Variants in ADSS1 observed in about 807,000 individuals in gnomAD.
The protein encoded by ADSS1 is adenylosuccinate synthetase isozyme 1.
Under a neutral mutation model 59.1 loss-of-function variants are expected in ADSS1, and 57 were observed. That is an observed-to-expected ratio of 0.97 (90% CI 0.78 to 1.20). ADSS1 has a LOEUF of 1.20. Among genes scored for constraint, ADSS1 ranks in the 50% most tolerant of loss-of-function variants. The probability of loss-of-function intolerance (pLI) is 0.00; values close to 1 mark genes in which losing one functional copy is unlikely to be tolerated. For missense variants in ADSS1, 603 were observed against 610.3 expected, an observed-to-expected ratio of 0.99 and a Z score of 0.13; for synonymous variants, 247 against 249.4, an observed-to-expected ratio of 0.99 and a Z score of 0.09.
intron 1 of ADSS1, among the ~76,000 whole-genome samples, chr14:104,727,878 A>G: frequency 6.6e-6 from 1 of 152,200 alleles, no homozygotes; most frequent in South Asian, 2.1e-4. Flanking sequence ...CTTCTGCTGC[A>G]GTGCTGACCT....
chr14:104,727,365 G>T (rs1454090820), intron 1 of ADSS1, among the ~76,000 whole-genome samples: 1 of 151,688 alleles, frequency 6.6e-6, no homozygotes, highest in African/African-American at 2.4e-5. Context: ...TCCATTCCAG[G>T]GCGGCTCTGG....
Position 104,739,820 on chromosome 14 carries a change from AGTCT to A in ADSS1, c.476+6_476+9del, listed in dbSNP as rs1476935220. 6.2e-7 allele frequency: 1 copy of A among 1,613,750 alleles called. No homozygotes were observed. Among genetic ancestry groups the A allele is most frequent in the East Asian group, 2.2e-5 (1 of 44,880 alleles). On this transcript the variant is annotated splice_donor_5th_base_variant and intron_variant, in intron 5 of 12. Coordinates refer to ENST00000330877, the MANE Select transcript of ADSS1 (RefSeq NM_152328.5). ...GCCAGGCACAAGAGGGGAAGAAGTAAGTCTGCCGGGACACTCTCACCCTCGGGGA... is the reference window on the plus strand; with the variant it reads ...GCCAGGCACAAGAGGGGAAGAAGTAAGCCGGGACACTCTCACCCTCGGGGA...
chr14:104,747,316 GC>G (rs1215788181), downstream of ADSS1: 1 of 230,874 alleles, frequency 4.3e-6, no homozygotes, highest in African/African-American at 2.3e-5. Context: ...CTGAATGGGA[GC>G]AGTTGTTACA....
Position 104,738,506 on chromosome 14 carries a change from C to A in ADSS1, c.358+68C>A, listed in dbSNP as rs544593137. 35 of 1,561,300 alleles carry A rather than the reference C, an allele frequency of 2.2e-5. No individual in the cohort carries two copies. The South Asian group carries it at 3.0e-4, about 14-fold the overall frequency. On this transcript the variant is annotated intron_variant, in intron 3 of 12. Coordinates refer to ENST00000330877, the MANE Select transcript of ADSS1 (RefSeq NM_152328.5). ...TGCCCTGAGCGGTTGTTGGCTGGAG[C>A]CTTCCTGAGGGTTTCTCCCACGGAG... is the stretch of plus-strand genomic sequence containing the variant.
rs770298867 is a variant in ADSS1 at position 104,740,243 on chromosome 14, T to A, written c.477-358T>A. Among the ~76,000 whole-genome samples, 5 of 151,780 alleles carry A rather than the reference T, an allele frequency of 3.3e-5. No individual in the cohort carries two copies. Among genetic ancestry groups the A allele is most frequent in the Non-Finnish European group, 7.4e-5 (5 of 67,952 alleles). ...TGGTCACACACTTACCCACTCACAC[T>A]CTCACACAGGCACACACTCATGCTC... On this transcript the variant is annotated intron_variant, in intron 5 of 12. Coordinates refer to ENST00000330877, the MANE Select transcript of ADSS1 (RefSeq NM_152328.5). The surrounding 1 kb of genome is among the most constrained non-coding windows in gnomAD (Gnocchi z 4.8).
chr14:104,747,247 T>C lies in ADSS1; in HGVS notation c.*244T>C. On this transcript the variant is annotated 3_prime_UTR_variant, in exon 13 of 13. Coordinates refer to ENST00000330877, the MANE Select transcript of ADSS1 (RefSeq NM_152328.5). ...GTGCTCAGAGACCTTCTATGACACA[T>C]TAGTGTCACATGGTTGCGTGTCCAG... 2.6e-6 allele frequency: 1 copy of C among 387,786 alleles called. No homozygotes were observed. The highest frequency in any genetic ancestry group is 4.7e-6 in the Non-Finnish European group (1 of 214,622). The allele number at this position is 387,786 out of a possible 1,614,324, so 24.0% of individuals were successfully genotyped here. A position where few individuals can be genotyped will look rare whatever the true frequency, so the allele number is the denominator to read the frequency against.
intron 9 of ADSS1, 110 bp downstream of exon 9, chr14:104,742,112 C>G: frequency 1.4e-6 from 2 of 1,397,790 alleles, no homozygotes; most frequent in South Asian, 1.3e-5. Context: ...CTTGCCAGTG[C>G]CATCTCCCCA....
intron 1 of ADSS1, among the ~76,000 whole-genome samples, chr14:104,731,247 T>C (rs1380741854): frequency 1.3e-5 from 2 of 152,188 alleles, no homozygotes; most frequent in Admixed American, 1.3e-4. Flanking sequence ...CTTAATCTAC[T>C]GTCCCTGACC....
intron 4 of ADSS1, 180 bp downstream of exon 4, chr14:104,739,558 G>T: frequency 1.1e-6 from 1 of 900,866 alleles, no homozygotes; most frequent in South Asian, 1.6e-5. Context: ...TGGGTCAGGG[G>T]TCACTAGCCC....
chr14:104,740,704 T>C lies in ADSS1; in HGVS notation c.580T>C (p.Ser194Pro). The change falls in exon 6 of 13, where the codon TCC becomes CCC. Residue 194 changes from serine (S) to proline (P), a missense_variant. Coordinates refer to ENST00000330877, the MANE Select transcript of ADSS1 (RefSeq NM_152328.5). The surrounding 1 kb of genome is among the most constrained non-coding windows in gnomAD (Gnocchi z 4.8). ...CCTGTCAGATTTTGATGAGTTTTCC[T>C]CCAGGTACCTGAGCCGTCTGCAGTC... ...DLLSDFDEFS[S>P]RFKNLAHQHQ... 1 of 1,613,872 alleles carries C rather than the reference T, an allele frequency of 6.2e-7. No individual in the cohort carries two copies. Among genetic ancestry groups the C allele is most frequent in the Admixed American group, 1.7e-5 (1 of 60,014 alleles).
chr14:104,740,779 A>T lies in ADSS1; in HGVS notation c.585-60A>T, dbSNP rs377019000. The T allele has an allele frequency of 1.1e-5, 18 of 1,611,922 alleles. No individual in the cohort carries two copies. The highest frequency in any genetic ancestry group is 1.5e-5 in the Non-Finnish European group (18 of 1,178,540). On this transcript the variant is annotated intron_variant, in intron 6 of 12. Coordinates refer to ENST00000330877, the MANE Select transcript of ADSS1 (RefSeq NM_152328.5). The surrounding 1 kb of genome is among the most constrained non-coding windows in gnomAD (Gnocchi z 4.8). ...CCGGAAGGGACTGTGGCTAGTGGGG[A>T]GGGCCCTGAGGACCAGCATGGACCA...
Position 104,747,095 on chromosome 14 carries a change from C to T in ADSS1, c.*92C>T. Reference sequence around the variant, plus strand: ...GTTCCTCGGCCGCCACAACCAACACCAAAGCAGGAAAACCATTTTCTGTAC... The same window carrying T: ...GTTCCTCGGCCGCCACAACCAACACTAAAGCAGGAAAACCATTTTCTGTAC... On this transcript the variant is annotated 3_prime_UTR_variant, in exon 13 of 13. Transcript: ENST00000330877. 1 of 1,183,320 alleles carries T rather than the reference C, an allele frequency of 8.5e-7. No individual in the cohort carries two copies. The highest frequency in any genetic ancestry group is 1.2e-6 in the Non-Finnish European group (1 of 839,022). 73.3% of individuals were successfully genotyped at this position (1,183,320 alleles called of 1,614,324 possible).
intron 11 of ADSS1, 32 bp from the exon 12 acceptor site, chr14:104,746,204 G>A: frequency 3.2e-6 from 5 of 1,578,710 alleles, no homozygotes; most frequent in Non-Finnish European, 3.5e-6. Flanking sequence ...GAGGTCTGTG[G>A]GCCCCACTCA....
At position 104,746,979 on chromosome 14, in the gene ADSS1, A is replaced by G. The variant is rs199506084; in HGVS notation, c.1350A>G (p.Arg450=). 1.3e-5 allele frequency: 21 copies of G among 1,614,114 alleles called. No individual in the cohort carries two copies. Among genetic ancestry groups the G allele is most frequent in the Non-Finnish European group, 1.7e-5 (20 of 1,179,962 alleles). ...AVKWVGVGKS[R]ESMIQLF The stretch of plus-strand genomic sequence containing the variant: ...AATGGGTTGGTGTTGGCAAGTCAAG[A>G]GAGTCGATGATCCAGCTGTTTTAGT... Residue 450 remains arginine (R), a synonymous_variant, in exon 13 of 13, where the codon AGA becomes AGG. Coordinates refer to ENST00000330877, the MANE Select transcript of ADSS1 (RefSeq NM_152328.5).
chr14:104,746,919 G>A lies in ADSS1; in HGVS notation c.1322-32G>A, dbSNP rs762005161. 1.7e-5 allele frequency: 27 copies of A among 1,612,106 alleles called. No homozygotes were observed. The South Asian group carries it at 2.5e-4, about 15-fold the overall frequency. ...TTTTTCTGAACTTTCTGCCTCCAGT[G>A]TGTATCATAACAGTCTTTTCTGCTC... On this transcript the variant is annotated intron_variant, in intron 12 of 12. Transcript: ENST00000330877.
At chr14:104,725,935 T>C (rs775085877) in intron 1 of ADSS1, among the ~76,000 whole-genome samples, 1 of 152,216 alleles carries the variant, frequency 6.6e-6, no homozygotes, top group Non-Finnish European at 1.5e-5. Flanking sequence ...GGCTCCGCGC[T>C]CCCAGCTGTG....
At chr14:104,742,979 T>C in intron 9 of ADSS1, 88 bp from the exon 10 acceptor site, 2 of 1,574,276 alleles carry the variant, frequency 1.3e-6, no homozygotes, top group Non-Finnish European at 1.7e-6. Context: ...TTCTGAGAGC[T>C]GTGTGCAGGG....
At chr14:104,728,955 G>A (rs1186988601) in intron 1 of ADSS1, among the ~76,000 whole-genome samples, 31 of 152,218 alleles carry the variant, frequency 2.0e-4, no homozygotes, top group Non-Finnish European at 4.4e-5. Context: ...GGGGGAAGCG[G>A]GCAGAGTGCA....
In ADSS1 at chr14:104,746,435, A is replaced by G. The variant is rs566875752; in HGVS notation, c.1321+50A>G. 46 of 1,577,948 alleles carry G rather than the reference A, an allele frequency of 2.9e-5. No individual in the cohort carries two copies. The African/African-American group carries it at 5.9e-4, about 20-fold the overall frequency. ...CCCTCCCTGCACCCTGGATGCCCCAAGGGGCCCACATCCCAGCGCAGGGCT... is the reference window on the plus strand; with the variant it reads ...CCCTCCCTGCACCCTGGATGCCCCAGGGGGCCCACATCCCAGCGCAGGGCT... On this transcript the variant is annotated intron_variant, in intron 12 of 12. Coordinates refer to ENST00000330877, the MANE Select transcript of ADSS1 (RefSeq NM_152328.5).
Sources: allele counts gnomAD v4.1 joint callset (sites outside exome capture counted in the v4.1 genomes callset), GRCh38; gene constraint gnomAD v4.1.1; non-coding constraint Gnocchi (gnomAD v3.1); transcripts MANE v1.5; gene names NCBI Gene and HGNC (gene_info 2026-07-23, HGNC 2026-07-21).